DECR1: variants seen among roughly 807,000 people sequenced by gnomAD.
DECR1 encodes the protein 2,4-dienoyl-CoA reductase [(3E)-enoyl-CoA-producing], mitochondrial.
Under a neutral mutation model 38.8 loss-of-function variants are expected in DECR1, and 44 were observed. That is an observed-to-expected ratio of 1.13 (90% CI 0.89 to 1.46). The LOEUF (loss-of-function observed/expected upper bound fraction) is 1.46, where lower values mean the gene tolerates loss of function less well. DECR1 is among the 40% of genes most tolerant of loss of function. The pLI is 0.00. For missense variants in DECR1, 428 were observed against 405.5 expected (o/e 1.06, Z -0.48); for synonymous variants, 148 against 135.2 (o/e 1.09, Z -0.66).
intron 6 of DECR1, among the ~76,000 whole-genome samples, chr8:90,038,114 G>C (rs1813657812): frequency 6.6e-6 from 1 of 152,162 alleles, no homozygotes; most frequent in Non-Finnish European, 1.5e-5. Flanking sequence ...GGATATGATA[G>C]TGATGGAAAT....
At position 90,017,240 on chromosome 8, in the gene DECR1, A is replaced by T; in HGVS notation, c.186A>T (p.Ala62=). ...CTAATAGTTTTCAAGGAAAAGTGGC[A>T]TTCATTACTGGGGGAGGTACTGGCC... ...LPPNSFQGKV[A]FITGGGTGLG... is the part of the protein sequence containing the mutation. Residue 62 remains alanine (A), a synonymous_variant, in exon 2 of 10, where the codon GCA becomes GCT. Transcript: ENST00000220764. 1 of 1,614,242 alleles carries T rather than the reference A, an allele frequency of 6.2e-7. No homozygotes were observed. The highest frequency in any genetic ancestry group is 8.5e-7 in the Non-Finnish European group (1 of 1,180,038).
In DECR1 at chr8:90,001,500, T is replaced by C; in HGVS notation, c.8T>C (p.Leu3Pro). The change falls in exon 1 of 10, where the codon CTA (leucine) becomes CCA (proline). Residue 3 changes from leucine (L) to proline (P), a missense_variant. Coordinates refer to ENST00000220764, the MANE Select transcript of DECR1 (RefSeq NM_001359.2). ...GAGTTCTGGAGACTCAACATGAAGC[T>C]ACCGGCCAGGGTTTTCTTTACTCTG... is the stretch of plus-strand genomic sequence containing the variant. Reference protein sequence around the residue: MKLPARVFFTLGS... With the variant: MKPPARVFFTLGS... 6.2e-7 allele frequency: 1 copy of C among 1,613,986 alleles called. No individual in the cohort carries two copies. Among genetic ancestry groups the C allele is most frequent in the Non-Finnish European group, 8.5e-7 (1 of 1,179,892 alleles).
intron 4 of DECR1, 115 bp downstream of exon 4, chr8:90,019,287 C>T: frequency 1.2e-6 from 1 of 833,082 alleles, no homozygotes; most frequent in Non-Finnish European, 1.9e-6. Context: ...AAGCCCGAAT[C>T]TGGGGCTTAG....
Position 90,036,997 on chromosome 8 carries a change from A to G in DECR1, c.665+57A>G, listed in dbSNP as rs548045695. The G allele has an allele frequency of 3.8e-4, 472 of 1,237,238 alleles. 8 individuals carry two copies. In the South Asian group the frequency reaches 5.7e-3, roughly 15 times the overall value. The allele number at this position is 1,237,238 out of a possible 1,614,324, so 76.6% of individuals were successfully genotyped here. On this transcript the variant is annotated intron_variant, in intron 6 of 9. Transcript: ENST00000220764. ...ACATAACTAATACAGTTGGTGGCTC[A>G]GGGAACTGTATTCCTGCTTTCTGGT...
chr8:90,051,112 A>C (rs1254812391), intron 8 of DECR1, among the ~76,000 whole-genome samples: 2 of 152,042 alleles, frequency 1.3e-5, no homozygotes. Flanking sequence ...AACATGGCAC[A>C]TGTATACATA....
chr8:90,039,439 C>A (rs1339540148), intron 6 of DECR1, among the ~76,000 whole-genome samples: 1 of 152,172 alleles, frequency 6.6e-6, no homozygotes, highest in Non-Finnish European at 1.5e-5. Context: ...ACTATCAGAT[C>A]TTGTGAGAAC....
At chr8:90,047,236 G>T (rs1813933527) in intron 8 of DECR1, among the ~76,000 whole-genome samples, 1 of 152,114 alleles carries the variant, frequency 6.6e-6, no homozygotes, top group Admixed American at 6.6e-5. Context: ...ACACAGACTG[G>T]CAAATTGGAT....
rs182762584 is a variant in DECR1 at position 90,046,025 on chromosome 8, C to T, written c.885+1030C>T. Among the ~76,000 whole-genome samples the T allele has an allele frequency of 2.7e-4, 41 of 152,270 alleles. 1 individual carries two copies. In the South Asian group the frequency reaches 7.9e-3, roughly 29 times the overall value. On this transcript the variant is annotated intron_variant, in intron 8 of 9. Coordinates refer to ENST00000220764, the MANE Select transcript of DECR1 (RefSeq NM_001359.2). ...AGAAAGGACATCCACACCAAAACCC[C>T]GTTTGTATGTCACCATCACGAAAGA...
intron 8 of DECR1, 148 bp downstream of exon 8, chr8:90,045,143 T>C: frequency 3.4e-6 from 2 of 591,150 alleles, no homozygotes; most frequent in Admixed American, 5.9e-5. Flanking sequence ...ATTATATATA[T>C]TGTTTAGCCT....
At chr8:90,013,057 A>G (rs1812925473) in intron 1 of DECR1, among the ~76,000 whole-genome samples, 1 of 152,132 alleles carries the variant, frequency 6.6e-6, no homozygotes, top group African/African-American at 2.4e-5. Context: ...TTGGCACCAT[A>G]TTGTCCAGTG....
At chr8:90,035,502 T>G (rs1336529927) in intron 5 of DECR1, among the ~76,000 whole-genome samples, 1 of 152,110 alleles carries the variant, frequency 6.6e-6, no homozygotes, top group African/African-American at 2.4e-5. Context: ...GATGCTGTAT[T>G]TTTCTGCTGT....
intron 8 of DECR1, among the ~76,000 whole-genome samples, chr8:90,049,595 C>T (rs1388961431): frequency 1.3e-5 from 2 of 152,114 alleles, no homozygotes; most frequent in Non-Finnish European, 2.9e-5. Flanking sequence ...AAAATGGCCA[C>T]ACTGCCCAAG....
intron 5 of DECR1, among the ~76,000 whole-genome samples, chr8:90,032,342 C>T (rs1290367889): frequency 6.6e-6 from 1 of 152,144 alleles, no homozygotes; most frequent in Non-Finnish European, 1.5e-5. Flanking sequence ...CTTTCTCATG[C>T]TTAGGGACTG....
chr8:90,016,777 G>T, intron 1 of DECR1: 1 of 263,138 alleles, frequency 3.8e-6, no homozygotes, highest in Non-Finnish European at 7.4e-6. Flanking sequence ...TGCTCTAGGT[G>T]CTTTACCTGT....
chr8:90,006,113 C>T (rs1812733036), intron 1 of DECR1: 1 of 672,928 alleles, frequency 1.5e-6, no homozygotes, highest in African/African-American at 1.8e-5. Context: ...CCACCTCCAA[C>T]ATTGGGGATC....
At chr8:90,023,607 C>G (rs1008272916) in intron 5 of DECR1, among the ~76,000 whole-genome samples, 4 of 151,684 alleles carry the variant, frequency 2.6e-5, no homozygotes, top group African/African-American at 9.7e-5. Flanking sequence ...CCTCCTGATG[C>G]CAGGAGGAAA....
chr8:90,051,784 T>C (rs1421247931), intron 9 of DECR1, 45 bp downstream of exon 9: 1 of 1,612,050 alleles, frequency 6.2e-7, no homozygotes, highest in African/African-American at 1.3e-5. Context: ...GCTAGGATAC[T>C]AAGCTTTAAA....
In DECR1 at chr8:90,036,955, G is replaced by GC; in HGVS notation, c.665+15_665+16insC. On this transcript the variant is annotated intron_variant, in intron 6 of 9. Coordinates refer to ENST00000220764, the MANE Select transcript of DECR1 (RefSeq NM_001359.2). ...GCCATGAGCAAGTAAGTACTTCCTT[G>GC]TCAATCCTGTTGCTGAACATAACTA... The GC allele has an allele frequency of 6.4e-7, 1 of 1,574,322 alleles. No individual in the cohort carries two copies. The highest frequency in any genetic ancestry group is 8.7e-7 in the Non-Finnish European group (1 of 1,145,234).
At chr8:90,047,072 A>G (rs1271233594) in intron 8 of DECR1, among the ~76,000 whole-genome samples, 1 of 152,226 alleles carries the variant, frequency 6.6e-6, no homozygotes, top group East Asian at 1.9e-4. Flanking sequence ...CAGCCACTGC[A>G]AAAACAGGCC....
Sources: allele counts gnomAD v4.1 joint callset (sites outside exome capture counted in the v4.1 genomes callset), GRCh38; gene constraint gnomAD v4.1.1; transcripts MANE v1.5; gene names NCBI Gene and HGNC (gene_info 2026-07-23, HGNC 2026-07-21).